CDH13: variants seen among roughly 807,000 people sequenced by gnomAD.
The protein encoded by CDH13 is cadherin-13.
A neutral mutation model predicts 63.8 loss-of-function variants in CDH13; 24 were observed. The ratio of observed to expected loss-of-function variants is 0.38; its 90% CI spans 0.27 to 0.53. The LOEUF (loss-of-function observed/expected upper bound fraction) is 0.53, where lower values mean the gene tolerates loss of function less well. Among genes scored for constraint, CDH13 ranks in the 20% least tolerant of loss-of-function variants. The pLI is 0.85. For synonymous variants in CDH13, 503 were observed against 355.3 expected (o/e 1.42, Z -4.67); for missense variants, 1,049 against 903.1 (o/e 1.16, Z -2.07).
intron 10 of CDH13, among the ~76,000 whole-genome samples, chr16:83,726,681 A>C (rs1423440028): frequency 6.6e-6 from 1 of 152,042 alleles, no homozygotes. Flanking sequence ...TAAAAATACA[A>C]AAAAAAATTA....
At chr16:83,773,551 G>A (rs1438609618) in intron 11 of CDH13, among the ~76,000 whole-genome samples, 2 of 152,070 alleles carry the variant, frequency 1.3e-5, no homozygotes, top group African/African-American at 4.8e-5. Context: ...AACAGCATGG[G>A]GGAAACCACC....
intron 4 of CDH13, among the ~76,000 whole-genome samples, chr16:83,205,603 C>CTTTT (rs141688507): frequency 2.9e-5 from 3 of 104,420 alleles, no homozygotes; most frequent in African/African-American, 1.0e-4. Flanking sequence ...AGAGGAAAAC[C>CTTTT]TTTTTTTTTT....
chr16:82,994,023 G>T (rs1313498475), intron 2 of CDH13, among the ~76,000 whole-genome samples: 1 of 152,126 alleles, frequency 6.6e-6, no homozygotes, highest in African/African-American at 2.4e-5. Flanking sequence ...AATGTCTTCT[G>T]CAGAGCCAGC....
intron 6 of CDH13, among the ~76,000 whole-genome samples, chr16:83,388,198 G>T (rs1053599069): frequency 6.6e-6 from 1 of 151,076 alleles, no homozygotes; most frequent in African/African-American, 2.4e-5. Context: ...TTATGGCTGT[G>T]ATCTCAGCAC....
intron 3 of CDH13, among the ~76,000 whole-genome samples, chr16:83,065,808 C>G (rs1225770719): frequency 6.6e-6 from 1 of 152,006 alleles, no homozygotes; most frequent in Non-Finnish European, 1.5e-5. Flanking sequence ...TTCCTACTGT[C>G]TTTGGGTGGT....
chr16:83,327,640 A>G (rs1374748474), intron 5 of CDH13, among the ~76,000 whole-genome samples: 1 of 152,206 alleles, frequency 6.6e-6, no homozygotes, highest in African/African-American at 2.4e-5. Flanking sequence ...GCCTGTAGCA[A>G]TAAGAGCCGT....
Position 83,091,449 on chromosome 16 carries a change from C to A in CDH13, c.367-33936C>A, listed in dbSNP as rs762394729. On this transcript the variant is annotated intron_variant, in intron 3 of 13. Coordinates refer to ENST00000567109, the MANE Select transcript of CDH13 (RefSeq NM_001257.5). ...TATGAAAATCACAAAGGATGACTCCCTAAATACATTTTATGTCTACAGAGA... is the reference window on the plus strand; with the variant it reads ...TATGAAAATCACAAAGGATGACTCCATAAATACATTTTATGTCTACAGAGA... Among the ~76,000 whole-genome samples the A allele has an allele frequency of 2.6e-5, 4 of 152,292 alleles. No individual in the cohort carries two copies. The South Asian group carries it at 8.3e-4, about 32-fold the overall frequency.
Position 83,038,624 on chromosome 16 carries a change from C to T in CDH13, c.366+6406C>T, listed in dbSNP as rs544214770. Among the ~76,000 whole-genome samples the T allele has an allele frequency of 1.1e-3, 163 of 152,246 alleles. 1 individual carries two copies. The highest frequency in any genetic ancestry group is 0.01 in the Middle Eastern group (3 of 294). On this transcript the variant is annotated intron_variant, in intron 3 of 13. Transcript: ENST00000567109. The stretch of plus-strand genomic sequence containing the variant: ...TTCTCATGGCCCAACAAGGATGAAA[C>T]GAAAAACAGTGGATGAGGGGTCTGC...
chr16:83,416,234 G>A (rs1290828307), intron 6 of CDH13, among the ~76,000 whole-genome samples: 1 of 152,166 alleles, frequency 6.6e-6, no homozygotes, highest in Non-Finnish European at 1.5e-5. Context: ...AAACATTGAC[G>A]AAGGGAATTT....
intron 1 of CDH13, among the ~76,000 whole-genome samples, chr16:82,802,202 C>A (rs189961498): frequency 6.6e-6 from 1 of 152,138 alleles, no homozygotes; most frequent in Admixed American, 6.5e-5. Flanking sequence ...GCTCCAGTGG[C>A]CGCAGAAAGT....
intron 5 of CDH13, among the ~76,000 whole-genome samples, chr16:83,237,745 T>C (rs193012019): frequency 7.4e-4 from 112 of 152,328 alleles, no homozygotes; most frequent in Non-Finnish European, 2.6e-4. Flanking sequence ...TAGTTCCTCA[T>C]TTGTAGAAAG....
At chr16:82,805,131 T>C (rs965980858) in intron 1 of CDH13, among the ~76,000 whole-genome samples, 8 of 152,316 alleles carry the variant, frequency 5.3e-5, no homozygotes, top group Admixed American at 6.5e-5. Context: ...TGTGTGTTTC[T>C]AGGAGATCCT....
At chr16:83,598,077 A>G (rs1268477279) in intron 7 of CDH13, among the ~76,000 whole-genome samples, 1 of 152,234 alleles carries the variant, frequency 6.6e-6, no homozygotes, top group African/African-American at 2.4e-5. Context: ...AGTTAAAGAA[A>G]GAATTAGACC....
chr16:83,346,902 T>C lies in CDH13; in HGVS notation c.781+1896T>C, dbSNP rs566644200. ...AGCAAAACATAAACCACCTCAAATA[T>C]CTATTTATGATTGGTATTATCCTAT... is the stretch of plus-strand genomic sequence containing the variant. On this transcript the variant is annotated intron_variant, in intron 6 of 13. Transcript: ENST00000567109. 3.9e-5 allele frequency among the ~76,000 whole-genome samples: 6 copies of C among 152,306 alleles called. No homozygotes were observed. The East Asian group carries it at 1.2e-3, about 29-fold the overall frequency.
chr16:83,651,722 A>G (rs935008817), intron 8 of CDH13, among the ~76,000 whole-genome samples: 1 of 150,392 alleles, frequency 6.6e-6, no homozygotes, highest in Non-Finnish European at 1.5e-5. Flanking sequence ...CAGCCTCCCA[A>G]GTAGCTGGGA....
chr16:82,949,692 G>A (rs1905097142), intron 2 of CDH13, among the ~76,000 whole-genome samples: 1 of 151,810 alleles, frequency 6.6e-6, no homozygotes, highest in Non-Finnish European at 1.5e-5. Flanking sequence ...TTTTTTTATA[G>A]CAAATTGTTT....
intron 7 of CDH13, among the ~76,000 whole-genome samples, chr16:83,545,719 G>T (rs2075375257): frequency 6.6e-6 from 1 of 152,126 alleles, no homozygotes; most frequent in Non-Finnish European, 1.5e-5. Flanking sequence ...CTTCTTGTGT[G>T]TCAATATTTA....
At chr16:83,517,745 G>A (rs1293114254) in intron 7 of CDH13, among the ~76,000 whole-genome samples, 2 of 152,180 alleles carry the variant, frequency 1.3e-5, no homozygotes, top group African/African-American at 4.8e-5. Context: ...AAGAATTGTT[G>A]ACAGTGTATA....
At chr16:83,525,914 C>T (rs1366111737) in intron 7 of CDH13, among the ~76,000 whole-genome samples, 1 of 152,184 alleles carries the variant, frequency 6.6e-6, no homozygotes, top group Admixed American at 6.5e-5. Flanking sequence ...GGAACATGGG[C>T]AGTCCCAAGA....
Sources: allele counts gnomAD v4.1 joint callset (sites outside exome capture counted in the v4.1 genomes callset), GRCh38; gene constraint gnomAD v4.1.1; transcripts MANE v1.5; gene names NCBI Gene and HGNC (gene_info 2026-07-23, HGNC 2026-07-21).